SDK1: variants seen among roughly 807,000 people sequenced by gnomAD.
The protein encoded by SDK1 is protein sidekick-1.
A neutral mutation model predicts 245.5 loss-of-function variants in SDK1; 157 were observed. That is an observed-to-expected ratio of 0.64 (90% CI 0.56 to 0.73). SDK1 has a LOEUF of 0.73. Ranked by LOEUF, SDK1 falls within the 30% of genes least tolerant of loss-of-function variation. SDK1 has a pLI of 0.00. For missense variants in SDK1, 3,583 were observed against 3,002.3 expected, an observed-to-expected ratio of 1.19 and a Z score of -4.52; for synonymous variants, 1,647 against 1,278.5, an observed-to-expected ratio of 1.29 and a Z score of -6.15.
chr7:3,962,914 A>C, intron 9 of SDK1, 63 bp downstream of exon 9: 1 of 905,814 alleles, frequency 1.1e-6, no homozygotes, highest in Non-Finnish European at 1.5e-6. Context: ...ACTCAGCCCC[A>C]TGGCTACCTG....
At chr7:3,629,449 C>G (rs1448658627) in intron 2 of SDK1, among the ~76,000 whole-genome samples, 1 of 152,164 alleles carries the variant, frequency 6.6e-6, no homozygotes, top group Non-Finnish European at 1.5e-5. Context: ...AGGGAAAGGA[C>G]TATCCAAGAA....
chr7:3,621,785 T>C (rs1781949924), intron 2 of SDK1, among the ~76,000 whole-genome samples: 1 of 152,234 alleles, frequency 6.6e-6, no homozygotes, highest in Non-Finnish European at 1.5e-5. Context: ...AAGTTCCCAC[T>C]ATTAAAGAAT....
intron 17 of SDK1, among the ~76,000 whole-genome samples, chr7:4,038,133 C>T (rs550895608): frequency 1.7e-4 from 26 of 152,284 alleles, no homozygotes; most frequent in Admixed American, 3.3e-4. Flanking sequence ...CTGTGGCTAA[C>T]GGCGCCACAG....
chr7:4,082,666 A>G (rs1781137726), intron 22 of SDK1, among the ~76,000 whole-genome samples: 1 of 152,160 alleles, frequency 6.6e-6, no homozygotes, highest in South Asian at 2.1e-4. Flanking sequence ...TGTCACCCAG[A>G]CAGGAGTGAA....
intron 1 of SDK1, among the ~76,000 whole-genome samples, chr7:3,599,546 C>A (rs916056350): frequency 2.0e-5 from 3 of 152,214 alleles, no homozygotes; most frequent in Non-Finnish European, 4.4e-5. Context: ...TTTGCCTGGC[C>A]CCACATTACA....
At chr7:3,415,607 G>A (rs918200918) in intron 1 of SDK1, among the ~76,000 whole-genome samples, 1 of 151,730 alleles carries the variant, frequency 6.6e-6, no homozygotes, top group Non-Finnish European at 1.5e-5. Flanking sequence ...AGTACAAAAA[G>A]GATTGGAAGG....
At chr7:3,528,709 A>G (rs1395913310) in intron 1 of SDK1, among the ~76,000 whole-genome samples, 1 of 152,084 alleles carries the variant, frequency 6.6e-6, no homozygotes, top group Admixed American at 6.5e-5. Flanking sequence ...TGAAGGCGTA[A>G]TACACAGGAC....
At chr7:3,518,515 G>T (rs758062963) in intron 1 of SDK1, among the ~76,000 whole-genome samples, 10 of 151,542 alleles carry the variant, frequency 6.6e-5, no homozygotes, top group Non-Finnish European at 1.5e-4. Context: ...TAAAAAATGA[G>T]CAAATGATCT....
Position 4,077,129 on chromosome 7 carries a change from G to C in SDK1, c.3142G>C (p.Val1048Leu). 6.2e-7 allele frequency: 1 copy of C among 1,614,238 alleles called. No homozygotes were observed. The highest frequency in any genetic ancestry group is 8.5e-7 in the Non-Finnish European group (1 of 1,180,042). The change falls in exon 21 of 45, where the codon GTG becomes CTG. Residue 1048 changes from valine (V) to leucine (L), a missense_variant. Physicochemically the swap from Val to Leu is conservative, Grantham distance 32 (BLOSUM62 1). Transcript: ENST00000404826. Reference protein sequence around the residue: ...LTTYTIDVAAVTAVGTGLVTS... With the variant: ...LTTYTIDVAALTAVGTGLVTS... ...CACCTACACCATCGACGTGGCCGCT[G>C]TGACTGCCGTGGGCACTGGCCTGGT...
intron 1 of SDK1, among the ~76,000 whole-genome samples, chr7:3,593,385 C>T (rs10085602): frequency 0.19 from 29,506 of 152,056 alleles, 3,176 homozygotes; most frequent in Middle Eastern, 0.28. Flanking sequence ...TGCACATGAG[C>T]TTCACCATGC....
At chr7:3,489,624 G>A (rs1781807625) in intron 1 of SDK1, among the ~76,000 whole-genome samples, 1 of 152,150 alleles carries the variant, frequency 6.6e-6, no homozygotes, top group African/African-American at 2.4e-5. Flanking sequence ...GATGTGATTA[G>A]CTACCCAGTT....
intron 1 of SDK1, among the ~76,000 whole-genome samples, chr7:3,413,950 G>T (rs1167269597): frequency 1.3e-5 from 2 of 152,184 alleles, no homozygotes; most frequent in African/African-American, 4.8e-5. Context: ...TTAAGCCTGG[G>T]TGATGGATGA....
At chr7:3,778,550 G>A (rs894997963) in intron 4 of SDK1, among the ~76,000 whole-genome samples, 1 of 152,144 alleles carries the variant, frequency 6.6e-6, no homozygotes, top group African/African-American at 2.4e-5. Context: ...CAGGCTGCCT[G>A]CACACATCTA....
intron 17 of SDK1, among the ~76,000 whole-genome samples, chr7:4,027,607 A>G (rs899421326): frequency 1.3e-5 from 2 of 152,230 alleles, no homozygotes; most frequent in African/African-American, 2.4e-5. Flanking sequence ...CATGCTTAGC[A>G]TGAGTTTCCT....
intron 5 of SDK1, among the ~76,000 whole-genome samples, chr7:3,865,205 G>A (rs1268496702): frequency 2.6e-5 from 4 of 152,186 alleles, no homozygotes; most frequent in Admixed American, 2.0e-4. Context: ...AGATGGGGCA[G>A]GAGGGCCCAG....
At chr7:4,199,217 C>G (rs1783752160) in intron 35 of SDK1, among the ~76,000 whole-genome samples, 1 of 152,142 alleles carries the variant, frequency 6.6e-6, no homozygotes, top group Non-Finnish European at 1.5e-5. Flanking sequence ...GTGGATTGCA[C>G]CATGGAGGAA....
intron 20 of SDK1, among the ~76,000 whole-genome samples, chr7:4,070,223 G>T (rs371330227): frequency 1.1e-4 from 17 of 152,180 alleles, no homozygotes; most frequent in African/African-American, 3.4e-4. Context: ...TGGGATGTCT[G>T]CACCCGCCTG....
rs376511434 is a variant in SDK1 at position 3,951,707 on chromosome 7, A to G, written c.960-23A>G. On this transcript the variant is annotated intron_variant, in intron 6 of 44. Transcript: ENST00000404826. ...ACCTCCCTGAGTCACAATCGTCGTC[A>G]TGAATGCCTTTCATTCCCACAGGCC... 36 of 1,608,730 alleles carry G rather than the reference A, an allele frequency of 2.2e-5. No individual in the cohort carries two copies. In the African/African-American group the frequency reaches 3.3e-4, roughly 15 times the overall value.
intron 13 of SDK1, among the ~76,000 whole-genome samples, chr7:3,980,590 T>G (rs946535303): frequency 1.3e-5 from 2 of 152,254 alleles, no homozygotes; most frequent in African/African-American, 4.8e-5. Context: ...TATCTGTTAT[T>G]GATGGGTTAG....
Sources: gnomAD v4.1 joint callset for allele counts (sites outside exome capture counted in the v4.1 genomes callset) on GRCh38, gnomAD v4.1.1 for gene constraint, MANE v1.5 for transcripts, NCBI Gene and HGNC (gene_info 2026-07-23, HGNC 2026-07-21) for gene names.